Variants in UBAP1 observed in about 807,000 individuals in gnomAD.
UBAP1 encodes the protein ubiquitin-associated protein 1.
UBAP1 carries 5 observed loss-of-function variants against 39.0 expected under a neutral mutation model. That is an observed-to-expected ratio of 0.13 (90% confidence interval 0.07 to 0.27). The LOEUF (loss-of-function observed/expected upper bound fraction) is 0.27. Ranked by LOEUF, UBAP1 falls within the 10% of genes least tolerant of loss-of-function variation. UBAP1 has a pLI of 1.00. For missense variants in UBAP1, 490 were observed against 608.1 expected, an observed-to-expected ratio of 0.81 and a Z score of 2.04; for synonymous variants, 211 against 225.1, an observed-to-expected ratio of 0.94 and a Z score of 0.56.
At chr9:34,230,397 T>C (rs1276145324) in intron 2 of UBAP1, among the ~76,000 whole-genome samples, 3 of 152,186 alleles carry the variant, frequency 2.0e-5, no homozygotes, top group African/African-American at 4.8e-5. Flanking sequence ...ATAGATTTTA[T>C]CATTTTTGTG....
At chr9:34,186,081 A>T (rs928970140) in intron 1 of UBAP1, among the ~76,000 whole-genome samples, 1 of 152,192 alleles carries the variant, frequency 6.6e-6, no homozygotes, top group South Asian at 2.1e-4. Context: ...GGACCATTCC[A>T]ATTCCTATAA....
intron 2 of UBAP1, among the ~76,000 whole-genome samples, chr9:34,221,886 C>T (rs1164689107): frequency 6.6e-6 from 1 of 151,964 alleles, no homozygotes; most frequent in Non-Finnish European, 1.5e-5. Context: ...TTTTTTCATA[C>T]AGTAGAAGGT....
intron 1 of UBAP1, among the ~76,000 whole-genome samples, chr9:34,196,044 T>TACACA (rs1831035710): frequency 7.1e-6 from 1 of 140,074 alleles, no homozygotes; most frequent in African/African-American, 2.6e-5. Flanking sequence ...GTCTCCTGAG[T>TACACA]AGCTGCAACT....
At chr9:34,229,103 C>T (rs759891549) in intron 2 of UBAP1, among the ~76,000 whole-genome samples, 5 of 152,210 alleles carry the variant, frequency 3.3e-5, no homozygotes, top group South Asian at 2.1e-4. Context: ...TGAAGGGAAA[C>T]GGCAGCCCTT....
intron 4 of UBAP1, among the ~76,000 whole-genome samples, chr9:34,244,169 C>G (rs1834109089): frequency 6.6e-6 from 1 of 152,020 alleles, no homozygotes; most frequent in African/African-American, 2.4e-5. Flanking sequence ...TTTTTTGTAC[C>G]TATTAACCAC....
intron 1 of UBAP1, among the ~76,000 whole-genome samples, chr9:34,213,763 T>C (rs560561648): frequency 6.6e-5 from 10 of 152,226 alleles, no homozygotes; most frequent in Non-Finnish European, 1.5e-4. Flanking sequence ...ATCGTTTACC[T>C]TGAAAACCCT....
chr9:34,187,163 C>T (rs7042375), intron 1 of UBAP1, among the ~76,000 whole-genome samples: 51,847 of 152,100 alleles, frequency 0.34, 9,668 homozygotes, highest in East Asian at 0.74. Flanking sequence ...CCGCCTGGGC[C>T]TCCCAAAGTG....
chr9:34,234,131 A>G (rs1833564820), intron 2 of UBAP1, 85 bp from the exon 3 acceptor site: 3 of 1,373,114 alleles, frequency 2.2e-6, no homozygotes, highest in East Asian at 2.4e-5. Flanking sequence ...AGCAAAAATT[A>G]ATGCATATCC....
chr9:34,228,569 TCCCC>T (rs371616909), intron 2 of UBAP1, among the ~76,000 whole-genome samples: 1 of 137,446 alleles, frequency 7.3e-6, no homozygotes, highest in Admixed American at 7.3e-5. Flanking sequence ...TTTCTTTGTT[TCCCC>T]CCCCCCCTTT....
chr9:34,229,828 T>A (rs1220684320), intron 2 of UBAP1, among the ~76,000 whole-genome samples: 1 of 151,888 alleles, frequency 6.6e-6, no homozygotes, highest in Non-Finnish European at 1.5e-5. Context: ...TAAGTCACCA[T>A]GCTTGGCCCC....
chr9:34,224,105 C>G, intron 2 of UBAP1: 1 of 742,054 alleles, frequency 1.3e-6, no homozygotes, highest in Non-Finnish European at 2.1e-6. Context: ...AAGAAGCTTG[C>G]CCTGCTGGAA....
At chr9:34,226,127 G>GTGTGTGTATGTGTGTT (rs1554650825) in intron 2 of UBAP1, among the ~76,000 whole-genome samples, 2 of 137,334 alleles carry the variant, frequency 1.5e-5, no homozygotes, top group Admixed American at 1.5e-4. Flanking sequence ...GTGTGTGTGT[G>GTGTGTGTATGTGTGTT]TGTGTGTGTG....
chr9:34,222,336 C>T (rs1295556914), intron 2 of UBAP1, among the ~76,000 whole-genome samples: 1 of 152,140 alleles, frequency 6.6e-6, no homozygotes, highest in African/African-American at 2.4e-5. Flanking sequence ...CATATACTTA[C>T]ATAGATAACC....
intron 1 of UBAP1, among the ~76,000 whole-genome samples, chr9:34,217,705 T>G (rs1051099319): frequency 6.6e-6 from 1 of 151,512 alleles, no homozygotes; most frequent in African/African-American, 2.4e-5. Context: ...AAAATTTGTC[T>G]TTCTGTGTCT....
At chr9:34,242,900 GGATATCT>G (rs1368519052) in intron 4 of UBAP1, among the ~76,000 whole-genome samples, 2 of 152,102 alleles carry the variant, frequency 1.3e-5, no homozygotes, top group Admixed American at 1.3e-4. Context: ...TATATTGGTG[GGATATCT>G]GTCAGAGACC....
chr9:34,249,765 T>C lies in UBAP1; in HGVS notation c.1084-14T>C. 2 of 1,612,582 alleles carry C rather than the reference T, an allele frequency of 1.2e-6. No individual in the cohort carries two copies. Among genetic ancestry groups the C allele is most frequent in the Non-Finnish European group, 1.7e-6 (2 of 1,178,704 alleles). ...CCAGGTCTTCTTGCCTTAATCTTCT[T>C]GTTTTTCCACTAGGTCACCCCTCCT... is the stretch of plus-strand genomic sequence containing the variant. On this transcript the variant is annotated splice_polypyrimidine_tract_variant and intron_variant, in intron 4 of 6. Transcript: ENST00000297661.
chr9:34,231,127 ATGTGTGTGTGTGTGTGTGTG>A lies in UBAP1; in HGVS notation c.35-3059_35-3040del, dbSNP rs6150983. Among the ~76,000 whole-genome samples the A allele has an allele frequency of 5.7e-4, 78 of 137,104 alleles. No homozygotes were observed. The East Asian group carries it at 0.012, about 21-fold the overall frequency. The allele number at this position is 137,104 out of a possible 152,430, so 89.9% of individuals were successfully genotyped here. On this transcript the variant is annotated intron_variant, in intron 2 of 6. Coordinates refer to ENST00000297661, the MANE Select transcript of UBAP1 (RefSeq NM_016525.5). ...GGGCAAATGTCTCTTTAAAAAAATT[ATGTGTGTGTGTGTGTGTGTG>A]TGTGTGTGTGTGTGTGTGTGTGTGT...
rs768583574 is a variant in UBAP1 at position 34,249,861 on chromosome 9, C to T, written c.1166C>T (p.Ser389Phe). The change falls in exon 5 of 7, where the codon TCC (serine) becomes TTC (phenylalanine). Residue 389 changes from serine (S) to phenylalanine (F), a missense_variant. This residue lies in a region of UBAP1 where 339 missense variants were observed against 390.0 expected (regional missense o/e 0.87). Coordinates refer to ENST00000297661, the MANE Select transcript of UBAP1 (RefSeq NM_016525.5). ...PQAYSELQML[S>F]PSERQCVETV... ...GCCTATTCTGAACTGCAGATGCTGTCCCCCAGCGAGCGGCAGTGTGTGGAG... is the reference window on the plus strand; with the variant it reads ...GCCTATTCTGAACTGCAGATGCTGTTCCCCAGCGAGCGGCAGTGTGTGGAG... The T allele has an allele frequency of 1.9e-6, 3 of 1,614,198 alleles. No homozygotes were observed. Among genetic ancestry groups the T allele is most frequent in the South Asian group, 1.1e-5 (1 of 91,088 alleles).
Position 34,191,822 on chromosome 9 carries a change from T to C in UBAP1, c.-8+12582T>C, listed in dbSNP as rs576046666. ...AGACATGCCAAATTCCAAAGGAATC[T>C]TCCTGCTGAGGCCGTTTGGACACAG... On this transcript the variant is annotated intron_variant, in intron 1 of 6. Transcript: ENST00000297661. The C allele has an allele frequency of 6.6e-5, 10 of 152,592 alleles. 1 individual carries two copies. Among genetic ancestry groups the C allele is most frequent in the African/African-American group, 2.4e-4 (10 of 41,562 alleles). 9.5% of individuals were successfully genotyped at this position (152,592 alleles called of 1,614,324 possible).
Sources: gnomAD v4.1 joint callset for allele counts (sites outside exome capture counted in the v4.1 genomes callset) on GRCh38, gnomAD v4.1.1 for gene constraint, gnomAD v4.1.1 regional missense constraint, MANE v1.5 for transcripts, NCBI Gene and HGNC (gene_info 2026-07-23, HGNC 2026-07-21) for gene names.